FAM124A: variants seen among roughly 807,000 people sequenced by gnomAD.
The protein encoded by FAM124A is family with sequence similarity 124 member A, also known as protein FAM124A.
Under a neutral mutation model 24.5 loss-of-function variants are expected in FAM124A, and 23 were observed. That is an observed-to-expected ratio of 0.94 (90% CI 0.68 to 1.33). The LOEUF is 1.33. Among genes scored for constraint, FAM124A ranks in the 40% most tolerant of loss-of-function variants. FAM124A has a pLI of 0.00. For synonymous variants in FAM124A, 287 were observed against 314.7 expected, an observed-to-expected ratio of 0.91 and a Z score of 0.93; for missense variants, 623 against 722.8, an observed-to-expected ratio of 0.86 and a Z score of 1.58.
chr13:51,270,658 A>G (rs1022270884), intron 3 of FAM124A, among the ~76,000 whole-genome samples: 3 of 152,224 alleles, frequency 2.0e-5, no homozygotes, highest in African/African-American at 7.2e-5. Flanking sequence ...TCAACAATCA[A>G]CATTTTCCCC....
chr13:51,280,855 G>A lies in FAM124A; in HGVS notation c.1240G>A (p.Val414Met), dbSNP rs766321580. Residue 414 changes from valine (V) to methionine (M), a missense_variant, in exon 4 of 4, where the codon GTG becomes ATG. Physicochemically the swap from Val to Met is conservative, Grantham distance 21. Coordinates refer to ENST00000322475, the MANE Select transcript of FAM124A (RefSeq NM_001242312.2). ...CCTAGAGGGGGCCCAGGAGACAGACGTGGACACAGGCCTGCGGCTGTCCTC... is the reference window on the plus strand; with the variant it reads ...CCTAGAGGGGGCCCAGGAGACAGACATGGACACAGGCCTGCGGCTGTCCTC... ...DDLEGAQETD[V>M]DTGLRLSSSD... 24 of 1,614,018 alleles carry A rather than the reference G, an allele frequency of 1.5e-5. No homozygotes were observed. Among genetic ancestry groups the A allele is most frequent in the East Asian group, 2.2e-5 (1 of 44,888 alleles).
Position 51,272,566 on chromosome 13 carries a change from T to TACACACACACACACACACACAC in FAM124A, c.835-7877_835-7856dup, listed in dbSNP as rs3138586. Among the ~76,000 whole-genome samples, 26 of 148,964 alleles carry TACACACACACACACACACACAC rather than the reference T, an allele frequency of 1.7e-4. No homozygotes were observed. In the South Asian group the frequency reaches 3.2e-3, roughly 19 times the overall value. ...ACCTATTTTTGTAAATAAAGCCTTA[T>TACACACACACACACACACACAC]ACACACACACACACACACACACACA... On this transcript the variant is annotated intron_variant, in intron 3 of 3. Transcript: ENST00000322475. This position sits in a 1 kb window ranked among gnomAD's most constrained non-coding sequence, Gnocchi z 4.2.
chr13:51,263,342 TC>T lies in FAM124A; in HGVS notation c.834+11144del, dbSNP rs534526873. On this transcript the variant is annotated intron_variant, in intron 3 of 3. Coordinates refer to ENST00000322475, the MANE Select transcript of FAM124A (RefSeq NM_001242312.2). ...GAAAAAGGGCCTGAATGGTCCTTGG[TC>T]CCTTTGCCAACCTTTGTGTTCCCCT... is the stretch of plus-strand genomic sequence containing the variant. Among the ~76,000 whole-genome samples the T allele has an allele frequency of 1.8e-3, 267 of 152,328 alleles. 3 individuals carry two copies. Among genetic ancestry groups the T allele is most frequent in the African/African-American group, 6.0e-3 (249 of 41,568 alleles).
rs767389460 is a variant in FAM124A, at chr13:51,280,729, T to C, written c.1114T>C (p.Ser372Pro). 5.6e-6 allele frequency: 9 copies of C among 1,613,990 alleles called. No individual in the cohort carries two copies. The African/African-American group carries it at 1.2e-4, about 22-fold the overall frequency. ...SLFCLPTGGP[S>P]LASSAEPQWF... ...GTTTTGTTTGCCCACGGGAGGCCCC[T>C]CCCTGGCCTCCTCAGCTGAACCACA... The change falls in exon 4 of 4, where the codon TCC (serine) becomes CCC (proline). Residue 372 changes from serine to proline, a missense_variant. Physicochemically the swap from Ser to Pro is moderately conservative, Grantham distance 74. Coordinates refer to ENST00000322475, the MANE Select transcript of FAM124A (RefSeq NM_001242312.2).
intron 3 of FAM124A, among the ~76,000 whole-genome samples, chr13:51,254,807 A>G (rs1468659759): frequency 2.6e-5 from 4 of 152,190 alleles, no homozygotes; most frequent in African/African-American, 9.7e-5. Context: ...TACTTTGAAC[A>G]CAGTAGGTTC....
rs1393928987 is a variant in FAM124A at position 51,272,654 on chromosome 13, C to T, written c.835-7796C>T. ...TCCCATCAGAAGGCCAAAGCTTACTCTCTGGAAAGATGGACCAGGGACCTA... is the reference window on the plus strand; with the variant it reads ...TCCCATCAGAAGGCCAAAGCTTACTTTCTGGAAAGATGGACCAGGGACCTA... On this transcript the variant is annotated intron_variant, in intron 3 of 3. Coordinates refer to ENST00000322475, the MANE Select transcript of FAM124A (RefSeq NM_001242312.2). This position sits in a 1 kb window ranked among gnomAD's most constrained non-coding sequence, Gnocchi z 4.2. Among the ~76,000 whole-genome samples the T allele has an allele frequency of 1.3e-5, 2 of 152,162 alleles. No homozygotes were observed. The highest frequency in any genetic ancestry group is 1.3e-4 in the Admixed American group (2 of 15,282).
chr13:51,257,699 C>G (rs148040201), intron 3 of FAM124A, among the ~76,000 whole-genome samples: 66 of 152,238 alleles, frequency 4.3e-4, no homozygotes, highest in African/African-American at 1.5e-3. Flanking sequence ...TCCTCAGATG[C>G]AGCAAACTCA....
chr13:51,222,527 G>C lies in FAM124A; in HGVS notation c.26G>C (p.Gly9Ala). The part of the protein sequence containing the change: MDPKAGGG[G>A]EEDDCVDSGA... ...ATGGACCCAAAGGCGGGCGGCGGCGGCGAGGAGGACGACTGCGTGGACTCG... is the reference window on the plus strand; with the variant it reads ...ATGGACCCAAAGGCGGGCGGCGGCGCCGAGGAGGACGACTGCGTGGACTCG... The change falls in exon 1 of 4, where the codon GGC (glycine) becomes GCC (alanine). Residue 9 changes from glycine (G) to alanine (A), a missense_variant. Gly to Ala is a moderately conservative substitution (Grantham distance 60). Transcript: ENST00000322475. 8.1e-7 allele frequency: 1 copy of C among 1,227,288 alleles called. No individual in the cohort carries two copies. The allele number at this position is 1,227,288 out of a possible 1,614,324, so 76.0% of individuals were successfully genotyped here. A position where few individuals can be genotyped will look rare whatever the true frequency, so the allele number is the denominator to read the frequency against.
chr13:51,280,692 A>T lies in FAM124A; in HGVS notation c.1077A>T (p.Arg359Ser). 1 of 1,614,058 alleles carries T rather than the reference A, an allele frequency of 6.2e-7. No individual in the cohort carries two copies. The highest frequency in any genetic ancestry group is 8.5e-7 in the Non-Finnish European group (1 of 1,180,010). ...STPNPPWSFQ[R>S]SKSLFCLPTG... The stretch of plus-strand genomic sequence containing the variant: ...CCAACCCTCCCTGGTCTTTCCAGAG[A>T]AGCAAGTCCTTGTTTTGTTTGCCCA... Residue 359 changes from arginine (R) to serine (S), a missense_variant, in exon 4 of 4, where the codon AGA becomes AGT. Coordinates refer to ENST00000322475, the MANE Select transcript of FAM124A (RefSeq NM_001242312.2).
chr13:51,253,147 C>T (rs1337122930), intron 3 of FAM124A: 4 of 152,084 alleles, frequency 2.6e-5, no homozygotes, highest in Non-Finnish European at 4.4e-5. Flanking sequence ...CTTGGCTACC[C>T]GAAAAGAGAA....
chr13:51,241,405 A>G (rs1211859075), intron 2 of FAM124A, among the ~76,000 whole-genome samples: 1 of 152,226 alleles, frequency 6.6e-6, no homozygotes, highest in Non-Finnish European at 1.5e-5. Context: ...AGGCAAGGAC[A>G]AGCTATGTCT....
At chr13:51,255,780 G>C (rs1282881531) in intron 3 of FAM124A, among the ~76,000 whole-genome samples, 1 of 152,226 alleles carries the variant, frequency 6.6e-6, no homozygotes, top group African/African-American at 2.4e-5. Context: ...CTGCTGCACA[G>C]GGGGAGGCTG....
chr13:51,245,318 T>C (rs1386883008), intron 2 of FAM124A: 1 of 682,118 alleles, frequency 1.5e-6, no homozygotes, highest in African/African-American at 1.8e-5. Context: ...GCAGATGGAT[T>C]CTCCACCTGG....
At chr13:51,236,482 G>C (rs2137655952) in intron 2 of FAM124A, among the ~76,000 whole-genome samples, 1 of 152,330 alleles carries the variant, frequency 6.6e-6, no homozygotes, top group East Asian at 1.9e-4. Flanking sequence ...CAACCCCTCA[G>C]CATTTTGGAG....
intron 2 of FAM124A, among the ~76,000 whole-genome samples, chr13:51,243,827 C>T (rs931260112): frequency 5.3e-5 from 8 of 152,156 alleles, no homozygotes; most frequent in East Asian, 1.9e-4. Context: ...TCAGCCACCA[C>T]GCCCAGCCCA....
At position 51,222,709 on chromosome 13, in the gene FAM124A, TCCTGGGCGGGCCGCGCTGC is replaced by T. The variant is rs1954273984; in HGVS notation, c.68+148_68+166del. ...TCCTCCTGCCGGATCCCCCGCTCTC[TCCTGGGCGGGCCGCGCTGC>T]CCTGGGCAGGGCGGGCACCACCCGG... On this transcript the variant is annotated intron_variant, in intron 1 of 3. Transcript: ENST00000322475. The T allele has an allele frequency of 4.0e-5, 35 of 864,338 alleles. No homozygotes were observed. The South Asian group carries it at 1.8e-3, about 44-fold the overall frequency. The allele number at this position is 864,338 out of a possible 1,614,324, so 53.5% of individuals were successfully genotyped here.
intron 3 of FAM124A, among the ~76,000 whole-genome samples, chr13:51,256,668 A>G (rs1158306545): frequency 6.6e-6 from 1 of 152,160 alleles, no homozygotes; most frequent in Non-Finnish European, 1.5e-5. Context: ...CCAGAGACTT[A>G]TTTTGTAATT....
intron 2 of FAM124A, among the ~76,000 whole-genome samples, chr13:51,248,504 G>C (rs1016077367): frequency 6.6e-6 from 1 of 152,126 alleles, no homozygotes; most frequent in African/African-American, 2.4e-5. Context: ...ATTTGTCTTG[G>C]ATCAGCTGAT....
chr13:51,277,522 T>C (rs756853933), intron 3 of FAM124A, among the ~76,000 whole-genome samples: 2 of 152,212 alleles, frequency 1.3e-5, no homozygotes, highest in Non-Finnish European at 2.9e-5. Flanking sequence ...TGGCCGGGCA[T>C]GGTGGCTCAC....
Sources: gnomAD v4.1 joint callset for allele counts (sites outside exome capture counted in the v4.1 genomes callset) on GRCh38, gnomAD v4.1.1 for gene constraint, Gnocchi (gnomAD v3.1) non-coding constraint, MANE v1.5 for transcripts, NCBI Gene and HGNC (gene_info 2026-07-23, HGNC 2026-07-21) for gene names.